KIF5A: variants seen among roughly 807,000 people sequenced by gnomAD.
KIF5A encodes the protein kinesin family member 5A.
KIF5A carries 35 observed loss-of-function variants against 141.3 expected under a neutral mutation model. That is an observed-to-expected ratio of 0.25 (90% CI 0.19 to 0.33). KIF5A has a LOEUF of 0.33. KIF5A is among the 10% of genes least tolerant of loss of function. The pLI, the probability that KIF5A is intolerant of heterozygous loss-of-function variation, is 1.00. For synonymous variants in KIF5A, 448 were observed against 500.2 expected (o/e 0.90, Z 1.39); for missense variants, 861 against 1,314.3 (o/e 0.66, Z 5.33).
At chr12:57,554,599 G>A (rs958409661) in intron 1 of KIF5A, among the ~76,000 whole-genome samples, 3 of 152,192 alleles carry the variant, frequency 2.0e-5, no homozygotes, top group African/African-American at 7.2e-5. Context: ...TCCTCTATAT[G>A]TTGCTATAAA....
Position 57,564,170 on chromosome 12 carries a change from C to T in KIF5A, c.354C>T (p.Asn118=), listed in dbSNP as rs751041481. Residue 118 remains asparagine, a synonymous_variant, in exon 4 of 29, where the codon AAC becomes AAT. Transcript: ENST00000455537. ...CTCGAATTGCCCGAGACATCTTCAACCACATCTACTCCATGGATGAGAACC... is the reference window on the plus strand; with the variant it reads ...CTCGAATTGCCCGAGACATCTTCAATCACATCTACTCCATGGATGAGAACC... The part of the protein sequence containing the change: ...IIPRIARDIF[N]HIYSMDENLE... 11 of 1,613,938 alleles carry T rather than the reference C, an allele frequency of 6.8e-6. No homozygotes were observed. Among genetic ancestry groups the T allele is most frequent in the South Asian group, 2.2e-5 (2 of 91,068 alleles).
At chr12:57,564,562 A>G (rs922534566) in intron 5 of KIF5A, 54 bp downstream of exon 5, 7 of 1,353,984 alleles carry the variant, frequency 5.2e-6, no homozygotes, top group African/African-American at 4.3e-5. Context: ...GAGAAAAGAA[A>G]GCTCACATTG....
chr12:57,576,593 C>G (rs993234807), intron 19 of KIF5A, among the ~76,000 whole-genome samples, 168 bp from the exon 20 acceptor site: 1 of 152,216 alleles, frequency 6.6e-6, no homozygotes, highest in African/African-American at 2.4e-5. Flanking sequence ...GTTCCTGGCT[C>G]TGTCATGGAA....
chr12:57,577,225 T>A (rs1222313946), intron 20 of KIF5A, among the ~76,000 whole-genome samples: 1 of 152,214 alleles, frequency 6.6e-6, no homozygotes, highest in East Asian at 1.9e-4. Context: ...ATAGGCTTTT[T>A]ATAAAAACTC....
At chr12:57,561,292 A>C (rs1270811954) in intron 1 of KIF5A, among the ~76,000 whole-genome samples, 5 of 152,124 alleles carry the variant, frequency 3.3e-5, no homozygotes, top group Non-Finnish European at 1.5e-5. Context: ...TGCCTGCCTC[A>C]GCCTCCCAAA....
intron 24 of KIF5A, 36 bp from the exon 25 acceptor site, chr12:57,581,379 T>A (rs1399789144): frequency 2.5e-6 from 4 of 1,612,630 alleles, no homozygotes. Context: ...TGCAGGGTCA[T>A]AGCCTCCTCA....
intron 8 of KIF5A, among the ~76,000 whole-genome samples, chr12:57,568,742 A>G (rs1475554086): frequency 1.3e-5 from 2 of 151,760 alleles, no homozygotes; most frequent in African/African-American, 4.8e-5. Flanking sequence ...AAAAAAAGGA[A>G]TCATGTAATA....
At position 57,572,510 on chromosome 12, in the gene KIF5A, AG is replaced by A. The variant is rs1173569088; in HGVS notation, c.1570-68del. 8.1e-6 allele frequency: 13 copies of A among 1,598,212 alleles called. No homozygotes were observed. The African/African-American group carries it at 1.7e-4, about 21-fold the overall frequency. ...CCCTCAGGGTCTTGCATGAAGGGAGAGGCCTCTGCCTGGGCTGGGCAAGGGA... is the reference window on the plus strand; with the variant it reads ...CCCTCAGGGTCTTGCATGAAGGGAGAGCCTCTGCCTGGGCTGGGCAAGGGA... On this transcript the variant is annotated intron_variant, in intron 14 of 28. Transcript: ENST00000455537. The surrounding 1 kb of genome is among the most constrained non-coding windows in gnomAD (Gnocchi z 4.2).
At chr12:57,577,604 A>G (rs749225478) in intron 20 of KIF5A, 109 bp from the exon 21 acceptor site, 32 of 881,622 alleles carry the variant, frequency 3.6e-5, no homozygotes, top group Non-Finnish European at 5.4e-5. Context: ...TGTTTCACAA[A>G]ATAACAATAA....
rs1025650526 is a variant in KIF5A at position 57,584,945 on chromosome 12, C to T, written c.*764C>T. ...TATTCCCTGCCCCAGAGCTCATGAC[C>T]AGAACCCAGAGCTGATTTAAAATAT... On this transcript the variant is annotated 3_prime_UTR_variant, in exon 29 of 29. Transcript: ENST00000455537. 6.6e-6 allele frequency: 1 copy of T among 152,130 alleles called. No homozygotes were observed. The highest frequency in any genetic ancestry group is 6.6e-5 in the Admixed American group (1 of 15,262). 9.4% of individuals were successfully genotyped at this position (152,130 alleles called of 1,614,324 possible).
rs765493045 is a variant in KIF5A, at chr12:57,576,862, C to G, written c.2300C>G (p.Thr767Arg). The G allele has an allele frequency of 1.9e-6, 3 of 1,610,146 alleles. No homozygotes were observed. The South Asian group carries it at 3.3e-5, about 18-fold the overall frequency. ...AAGAGCACCAAGCTGCAGGAGCTGA[C>G]GTGAGTGGCATGGATTTACCTGTAA... ...HEKSTKLQEL[T>R]FLYERHEQSK... The change falls in exon 20 of 29, where the codon ACA (threonine) becomes AGA (arginine). Residue 767 changes from threonine (T) to arginine (R), a missense_variant and splice_region_variant. Transcript: ENST00000455537.
intron 28 of KIF5A, among the ~76,000 whole-genome samples, chr12:57,583,490 T>C (rs1444938494): frequency 1.3e-5 from 2 of 152,150 alleles, no homozygotes; most frequent in Non-Finnish European, 2.9e-5. Context: ...CACTGTCACA[T>C]GTCCAAAGAA....
rs2140171386 is a variant in KIF5A, at chr12:57,580,938, C to T, written c.2539-18C>T. The T allele has an allele frequency of 1.9e-6, 3 of 1,613,168 alleles. No individual in the cohort carries two copies. Among genetic ancestry groups the T allele is most frequent in the Non-Finnish European group, 2.5e-6 (3 of 1,179,500 alleles). The stretch of plus-strand genomic sequence containing the variant: ...ACTTGCCTTCCTTTCCACTTCTTCC[C>T]TTTGGCTTGCCCCATAGCTGGTACG... On this transcript the variant is annotated intron_variant, in intron 23 of 28. Transcript: ENST00000455537.
chr12:57,566,812 C>A (rs1882079138), intron 6 of KIF5A, among the ~76,000 whole-genome samples: 1 of 151,962 alleles, frequency 6.6e-6, no homozygotes, highest in East Asian at 2.0e-4. Flanking sequence ...GAGGCCAAGG[C>A]AGGCGGATCA....
chr12:57,570,240 G>A, intron 12 of KIF5A, 78 bp downstream of exon 12: 2 of 1,328,454 alleles, frequency 1.5e-6, no homozygotes, highest in African/African-American at 1.4e-5. Context: ...CGCTTATATT[G>A]CCTCTTTCTG....
At chr12:57,577,649 G>A in intron 20 of KIF5A, 64 bp from the exon 21 acceptor site, 1 of 1,198,714 alleles carries the variant, frequency 8.3e-7, no homozygotes, top group Non-Finnish European at 1.2e-6. Context: ...AGTAATAGAG[G>A]AAGAGGCAGG....
rs1401327276 is a variant in KIF5A, at chr12:57,572,507, G to T, written c.1570-73G>T. On this transcript the variant is annotated intron_variant, in intron 14 of 28. Coordinates refer to ENST00000455537, the MANE Select transcript of KIF5A (RefSeq NM_004984.4). This position sits in a 1 kb window ranked among gnomAD's most constrained non-coding sequence, Gnocchi z 4.2. ...CAGCCCTCAGGGTCTTGCATGAAGG[G>T]AGAGGCCTCTGCCTGGGCTGGGCAA... is the stretch of plus-strand genomic sequence containing the variant. 4.4e-6 allele frequency: 7 copies of T among 1,594,896 alleles called. No individual in the cohort carries two copies. In the Admixed American group the frequency reaches 8.5e-5, roughly 19 times the overall value.
chr12:57,583,360 C>G, intron 28 of KIF5A, 145 bp downstream of exon 28: 1 of 639,140 alleles, frequency 1.6e-6, no homozygotes, highest in Admixed American at 2.5e-5. Context: ...CCTGCTTTCC[C>G]CTGTTGGGGG....
chr12:57,564,813 C>T, intron 5 of KIF5A, 105 bp from the exon 6 acceptor site: 1 of 1,104,090 alleles, frequency 9.1e-7, no homozygotes, highest in Non-Finnish European at 1.4e-6. Context: ...CAGGGAGAGT[C>T]TTCCTTTAGC....
Sources: allele counts gnomAD v4.1 joint callset (sites outside exome capture counted in the v4.1 genomes callset), GRCh38; gene constraint gnomAD v4.1.1; non-coding constraint Gnocchi (gnomAD v3.1); transcripts MANE v1.5; gene names NCBI Gene and HGNC (gene_info 2026-07-23, HGNC 2026-07-21).